The following ABCB11 variants were observed in gnomAD, a reference collection of about 807,000 sequenced individuals.
The protein encoded by ABCB11 is bile salt export pump.
Under a neutral mutation model 148.0 loss-of-function variants are expected in ABCB11, and 95 were observed. The observed-to-expected ratio is 0.64, with a 90% confidence interval of 0.54 to 0.76. The LOEUF (loss-of-function observed/expected upper bound fraction) is 0.76. Ranked by LOEUF, ABCB11 falls within the 30% of genes least tolerant of loss-of-function variation. The probability of loss-of-function intolerance (pLI) is 0.00; values close to 1 mark genes in which losing one functional copy is unlikely to be tolerated. For missense variants in ABCB11, 1,523 were observed against 1,617.8 expected, an observed-to-expected ratio of 0.94 and a Z score of 1.01; for synonymous variants, 591 against 555.4, an observed-to-expected ratio of 1.06 and a Z score of -0.90.
chr2:168,952,017 G>T (rs1324676223), intron 19 of ABCB11, among the ~76,000 whole-genome samples: 3 of 151,474 alleles, frequency 2.0e-5, no homozygotes, highest in Non-Finnish European at 1.5e-5. Flanking sequence ...CCTTAATATT[G>T]TTTATGTGAT....
intron 19 of ABCB11, among the ~76,000 whole-genome samples, chr2:168,948,349 G>A (rs1464017747): frequency 6.6e-6 from 1 of 151,720 alleles, no homozygotes; most frequent in Admixed American, 6.6e-5. Context: ...CCAGTGAAAT[G>A]CACTTCCCCA....
downstream of ABCB11, among the ~76,000 whole-genome samples, chr2:168,920,735 G>A (rs1422534205): frequency 1.3e-5 from 2 of 152,132 alleles, no homozygotes; most frequent in Non-Finnish European, 2.9e-5. Context: ...CTTTGTCAGC[G>A]ATAAAGGATA....
At chr2:168,991,595 G>A (rs1694525866) in intron 8 of ABCB11, among the ~76,000 whole-genome samples, 1 of 151,986 alleles carries the variant, frequency 6.6e-6, no homozygotes, top group Non-Finnish European at 1.5e-5. Flanking sequence ...AACACATATT[G>A]CGGAAGATCA....
chr2:168,978,160 T>TA (rs1693995571), intron 11 of ABCB11, among the ~76,000 whole-genome samples: 1 of 140,790 alleles, frequency 7.1e-6, no homozygotes, highest in Admixed American at 7.2e-5. Context: ...TTTTTTTTTT[T>TA]TCAGAGACAG....
chr2:168,969,603 A>G, intron 15 of ABCB11, 52 bp from the exon 16 acceptor site: 4 of 1,477,510 alleles, frequency 2.7e-6, no homozygotes, highest in Non-Finnish European at 2.8e-6. Context: ...CAGAGCTGAC[A>G]CTGACCTTTG....
chr2:168,964,241 C>A lies in ABCB11; in HGVS notation c.2143G>T (p.Val715Leu), dbSNP rs1353544286. 6.4e-7 allele frequency: 1 copy of A among 1,567,330 alleles called. No homozygotes were observed. Among genetic ancestry groups the A allele is most frequent in the South Asian group, 1.2e-5 (1 of 85,290 alleles). Residue 715 changes from valine to leucine, a missense_variant, in exon 18 of 28, where the codon GTA (valine) becomes TTA (leucine). Val to Leu is a conservative substitution (Grantham distance 32). Transcript: ENST00000650372. ...YLVHEPPLAV[V>L]DHKSTYEEDR... is the part of the protein sequence containing the mutation. ...TCTTCATAGGTAGACTTATGATCTACAACAGCTAATGGAGGTTCGTGCACC... is the reference window on the plus strand; with the variant it reads ...TCTTCATAGGTAGACTTATGATCTAAAACAGCTAATGGAGGTTCGTGCACC...
At chr2:168,975,839 C>T (rs1474830966) in intron 12 of ABCB11, among the ~76,000 whole-genome samples, 1 of 148,610 alleles carries the variant, frequency 6.7e-6, no homozygotes, top group African/African-American at 2.5e-5. Context: ...TATGTGGTGT[C>T]AGAATTAAGT....
rs1029671973 is a variant in ABCB11, at chr2:168,940,102, C to T, written c.2611-3669G>A. Among the ~76,000 whole-genome samples the T allele has an allele frequency of 7.9e-5, 12 of 152,008 alleles. No individual in the cohort carries two copies. The South Asian group carries it at 8.3e-4, about 10-fold the overall frequency. On this transcript the variant is annotated intron_variant, in intron 21 of 27. Coordinates refer to ENST00000650372, the MANE Select transcript of ABCB11 (RefSeq NM_003742.4). Reference sequence around the variant, plus strand: ...ATATTGAAATTAGGCCAACTAATAACGCTACCTTGGCCTCTAAGTGTTCAA... The same window carrying T: ...ATATTGAAATTAGGCCAACTAATAATGCTACCTTGGCCTCTAAGTGTTCAA...
At chr2:168,959,807 T>C (rs867575188) in intron 18 of ABCB11, among the ~76,000 whole-genome samples, 2 of 151,296 alleles carry the variant, frequency 1.3e-5, no homozygotes, top group South Asian at 4.2e-4. Flanking sequence ...CATTGCCTTG[T>C]GGGAACTGGG....
rs200509511 is a variant in ABCB11 at position 168,986,262 on chromosome 2, C to T, written c.931G>A (p.Ala311Thr). The change falls in exon 10 of 28, where the codon GCC becomes ACC. Residue 311 changes from alanine to threonine, a missense_variant. Ala to Thr is a moderately conservative substitution (Grantham distance 58, BLOSUM62 0). Transcript: ENST00000650372. The stretch of plus-strand genomic sequence containing the variant: ...CCTTTTCTAATTCCCCAACGCTGGG[C>T]GAACACAAGATTTTTCTCATACCTG... ...VERYEKNLVF[A>T]QRWGIRKGIV... 2.9e-5 allele frequency: 46 copies of T among 1,612,506 alleles called. 1 individual carries two copies. The South Asian group carries it at 3.3e-4, about 12-fold the overall frequency.
chr2:168,996,609 A>G (rs1390874588), intron 6 of ABCB11, 26 bp downstream of exon 6: 1 of 1,364,892 alleles, frequency 7.3e-7, no homozygotes, highest in South Asian at 1.6e-5. Flanking sequence ...ATATTGATCT[A>G]TAAATTATAC....
At chr2:169,015,411 G>A (rs539480930) in intron 3 of ABCB11, among the ~76,000 whole-genome samples, 15 of 152,118 alleles carry the variant, frequency 9.9e-5, no homozygotes, top group Middle Eastern at 3.4e-3. Flanking sequence ...GACTCCCCAC[G>A]GTCTGGCCCT....
intron 5 of ABCB11, among the ~76,000 whole-genome samples, chr2:169,005,798 T>C (rs1049104834): frequency 6.6e-6 from 1 of 152,144 alleles, no homozygotes; most frequent in Non-Finnish European, 1.5e-5. Context: ...TTTCAAAACA[T>C]CATGCTGCAC....
intron 18 of ABCB11, among the ~76,000 whole-genome samples, chr2:168,959,130 A>G (rs1291535528): frequency 2.0e-5 from 3 of 151,724 alleles, no homozygotes; most frequent in Non-Finnish European, 4.4e-5. Context: ...AAAGTCAAAG[A>G]CCACATTCAT....
rs3214428 is a variant in ABCB11 at position 168,980,197 on chromosome 2, AT to A, written c.1084-219del. ...CTGTTATGATTTAAAATACCACTTT[AT>A]TTTTTTACTGAATATTACTCTTCTA... On this transcript the variant is annotated intron_variant, in intron 10 of 27. Coordinates refer to ENST00000650372, the MANE Select transcript of ABCB11 (RefSeq NM_003742.4). Among the ~76,000 whole-genome samples, 85,771 of 151,616 alleles carry A rather than the reference AT, an allele frequency of 0.57. 24,934 individuals are homozygous for A. The highest frequency in any genetic ancestry group is 0.67 in the African/African-American group (27,837 of 41,318).
intron 3 of ABCB11, among the ~76,000 whole-genome samples, chr2:169,015,746 T>C (rs1355045920): frequency 6.6e-6 from 1 of 152,186 alleles, no homozygotes; most frequent in African/African-American, 2.4e-5. Flanking sequence ...AGATTATCAC[T>C]AGCTACCATG....
intron 21 of ABCB11, among the ~76,000 whole-genome samples, chr2:168,938,696 TA>T (rs1691934284): frequency 6.6e-6 from 1 of 152,206 alleles, no homozygotes; most frequent in Non-Finnish European, 1.5e-5. Context: ...ACAAATATTT[TA>T]CCACAATTTT....
At chr2:168,966,337 A>C (rs953045831) in intron 17 of ABCB11, among the ~76,000 whole-genome samples, 1 of 151,884 alleles carries the variant, frequency 6.6e-6, no homozygotes, top group Non-Finnish European at 1.5e-5. Flanking sequence ...GGGAAGACCT[A>C]TGTCCTTGGC....
chr2:168,970,612 A>G, intron 14 of ABCB11: 1 of 318,806 alleles, frequency 3.1e-6, no homozygotes, highest in South Asian at 2.7e-5. Flanking sequence ...CTGTTTTTAC[A>G]TTATGAATAA....
Sources: gnomAD v4.1 joint callset for allele counts (sites outside exome capture counted in the v4.1 genomes callset) on GRCh38, gnomAD v4.1.1 for gene constraint, MANE v1.5 for transcripts, NCBI Gene and HGNC (gene_info 2026-07-23, HGNC 2026-07-21) for gene names.